PHF2: variants seen among roughly 807,000 people sequenced by gnomAD.
PHF2 encodes the protein lysine-specific demethylase PHF2.
A neutral mutation model predicts 120.5 loss-of-function variants in PHF2; 27 were observed. The observed-to-expected ratio is 0.22, with a 90% confidence interval of 0.17 to 0.31. The LOEUF is 0.31. PHF2 is among the 10% of genes least tolerant of loss of function. The pLI, the probability that PHF2 is intolerant of heterozygous loss-of-function variation, is 1.00. For synonymous variants in PHF2, 568 were observed against 592.5 expected (o/e 0.96, Z 0.60); for missense variants, 1,024 against 1,434.8 (o/e 0.71, Z 4.63).
rs535874644 is a variant in PHF2 at position 93,624,515 on chromosome 9, ATGG to A, written c.99-5446_99-5444del. 1.1e-3 allele frequency among the ~76,000 whole-genome samples: 159 copies of A among 148,966 alleles called. 3 individuals are homozygous for A. In the South Asian group the frequency reaches 0.012, roughly 11 times the overall value. On this transcript the variant is annotated intron_variant, in intron 1 of 21. Coordinates refer to ENST00000359246, the MANE Select transcript of PHF2 (RefSeq NM_005392.4). ...GGTGGTGATGGTGATGACAACGGTG[ATGG>A]TGGTGGTGATGATGATAGTGGTTGA...
intron 14 of PHF2, among the ~76,000 whole-genome samples, chr9:93,665,142 C>A (rs181257639): frequency 1.3e-5 from 2 of 152,250 alleles, no homozygotes; most frequent in African/African-American, 2.4e-5. Flanking sequence ...TAGACTGTTA[C>A]ATCTATCCTG....
intron 1 of PHF2, among the ~76,000 whole-genome samples, chr9:93,618,983 T>C (rs1446157840): frequency 1.8e-4 from 4 of 21,740 alleles, no homozygotes. Flanking sequence ...CTTGTTCACT[T>C]CCCTGTGGGT....
chr9:93,602,316 G>T (rs934971976), intron 1 of PHF2, among the ~76,000 whole-genome samples: 30 of 135,206 alleles, frequency 2.2e-4, no homozygotes, highest in African/African-American at 8.1e-4. Context: ...GCAATGGCAC[G>T]ATCTCGGCTC....
intron 1 of PHF2, among the ~76,000 whole-genome samples, chr9:93,578,463 C>G (rs1410603704): frequency 6.6e-6 from 1 of 152,184 alleles, no homozygotes; most frequent in Non-Finnish European, 1.5e-5. Flanking sequence ...CCTGAAAAGC[C>G]CTGAAAGTGG....
intron 1 of PHF2, among the ~76,000 whole-genome samples, chr9:93,598,773 A>C (rs1252659403): frequency 1.3e-5 from 2 of 152,166 alleles, no homozygotes; most frequent in Non-Finnish European, 2.9e-5. Flanking sequence ...CAGGGCTCAC[A>C]TGGAGGCCCT....
intron 1 of PHF2, among the ~76,000 whole-genome samples, chr9:93,619,118 C>T (rs1021299068): frequency 2.0e-5 from 3 of 151,974 alleles, no homozygotes; most frequent in African/African-American, 4.8e-5. Flanking sequence ...CTGGCTCAGG[C>T]GGATGTTCTC....
intron 1 of PHF2, among the ~76,000 whole-genome samples, chr9:93,624,814 GTGATGA>G (rs547426353): frequency 4.2e-4 from 64 of 151,160 alleles, no homozygotes; most frequent in Non-Finnish European, 1.5e-4. Flanking sequence ...GATGGTGATG[GTGATGA>G]TGATGGTGAT....
intron 1 of PHF2, among the ~76,000 whole-genome samples, chr9:93,611,532 A>G (rs546639923): frequency 4.6e-5 from 7 of 152,188 alleles, no homozygotes; most frequent in Non-Finnish European, 8.8e-5. Context: ...ATTTTTTAAT[A>G]CAGGGTCTTG....
rs772972187 is a variant in PHF2 at position 93,674,960 on chromosome 9, C to G, written c.2660C>G (p.Pro887Arg). ...TCACTGGAGTCAGATGAAGACAACC[C>G]CATCTTTAAGTCCCGGTCGAAGAAA... ...YPSLESDEDN[P>R]IFKSRSKKRK... The change falls in exon 19 of 22, where the codon CCC becomes CGC. Residue 887 changes from proline (P) to arginine (R), a missense_variant. Transcript: ENST00000359246. 6.2e-7 allele frequency: 1 copy of G among 1,613,934 alleles called. No homozygotes were observed. Among genetic ancestry groups the G allele is most frequent in the Non-Finnish European group, 8.5e-7 (1 of 1,179,946 alleles).
chr9:93,579,730 T>C (rs1587656585), intron 1 of PHF2, among the ~76,000 whole-genome samples: 1 of 152,232 alleles, frequency 6.6e-6, no homozygotes, highest in African/African-American at 2.4e-5. Context: ...ATCACATTCT[T>C]CCAGCCAGCC....
chr9:93,584,552 A>C (rs563457996), intron 1 of PHF2, among the ~76,000 whole-genome samples: 10 of 152,334 alleles, frequency 6.6e-5, no homozygotes, highest in African/African-American at 2.4e-4. Flanking sequence ...TTTTGACCGT[A>C]TACACAGGGG....
At chr9:93,662,555 GAT>G (rs879883449) in intron 12 of PHF2, among the ~76,000 whole-genome samples, 7,535 of 151,224 alleles carry the variant, frequency 0.05, 256 homozygotes, top group Non-Finnish European at 0.072. Context: ...TGGATGGATG[GAT>G]GGATGGATGG....
At chr9:93,645,868 C>G (rs1247612286) in intron 4 of PHF2, 79 bp downstream of exon 4, 2 of 1,453,942 alleles carry the variant, frequency 1.4e-6, no homozygotes, top group East Asian at 4.8e-5. Flanking sequence ...ATGCTGTTTC[C>G]CCACGCCCTG....
intron 17 of PHF2, 93 bp downstream of exon 17, chr9:93,667,333 C>G (rs963884968): frequency 6.8e-7 from 1 of 1,460,442 alleles, no homozygotes; most frequent in Non-Finnish European, 9.3e-7. Context: ...GCGAGGCAGA[C>G]GCACAGCTGG....
chr9:93,576,857 C>G lies in PHF2; in HGVS notation c.84C>G (p.Asp28Glu), dbSNP rs1440941971. The G allele has an allele frequency of 1.6e-6, 2 of 1,266,560 alleles. No homozygotes were observed. The highest frequency in any genetic ancestry group is 2.3e-5 in the Admixed American group (1 of 43,234). 78.5% of individuals were successfully genotyped at this position (1,266,560 alleles called of 1,614,324 possible). The change falls in exon 1 of 22, where the codon GAC becomes GAG. Residue 28 changes from aspartate to glutamate, a missense_variant. By Grantham distance (45) the Asp-to-Glu change is conservative (BLOSUM62 2). This residue lies in a region of PHF2 where 347 missense variants were observed against 577.4 expected (regional missense o/e 0.60). Transcript: ENST00000359246. ...TGATCGAGTGCGACGCCTGCAAGGA[C>G]TGGTTCCACGGCAGGTGAGCGCGCG... ...RFMIECDACKDWFHGSCVGVE... is the reference protein window; with the variant it reads ...RFMIECDACKEWFHGSCVGVE...
chr9:93,623,353 T>TA (rs1185007084), intron 1 of PHF2, among the ~76,000 whole-genome samples: 5 of 152,304 alleles, frequency 3.3e-5, no homozygotes, highest in South Asian at 2.1e-4. Flanking sequence ...ATGTGGCTGA[T>TA]ACTTGGTGTC....
At chr9:93,670,809 T>G (rs1240480791) in intron 17 of PHF2, among the ~76,000 whole-genome samples, 1 of 152,016 alleles carries the variant, frequency 6.6e-6, no homozygotes, top group Non-Finnish European at 1.5e-5. Flanking sequence ...AGGAGGTGTG[T>G]GCATAGGCAT....
chr9:93,656,481 G>T lies in PHF2; in HGVS notation c.1041-8G>T, dbSNP rs776175669. On this transcript the variant is annotated splice_region_variant and splice_polypyrimidine_tract_variant and intron_variant, in intron 8 of 21. Transcript: ENST00000359246. The surrounding 1 kb of genome is among the most constrained non-coding windows in gnomAD (Gnocchi z 4.1). The stretch of plus-strand genomic sequence containing the variant: ...GTGCACTGAGAACTGCTCTTTGGTG[G>T]CTTCTAGAGCATATGAAGTGGAAAG... 1 of 1,598,180 alleles carries T rather than the reference G, an allele frequency of 6.3e-7. No homozygotes were observed. The highest frequency in any genetic ancestry group is 2.2e-5 in the East Asian group (1 of 44,774).
chr9:93,606,687 G>A (rs557169509), intron 1 of PHF2, among the ~76,000 whole-genome samples: 6 of 152,188 alleles, frequency 3.9e-5, no homozygotes, highest in Non-Finnish European at 8.8e-5. Context: ...TTGCACAGCA[G>A]AAGTTTTTAA....
Sources: gnomAD v4.1 joint callset for allele counts (sites outside exome capture counted in the v4.1 genomes callset) on GRCh38, gnomAD v4.1.1 for gene constraint, gnomAD v4.1.1 regional missense constraint, Gnocchi (gnomAD v3.1) non-coding constraint, MANE v1.5 for transcripts, NCBI Gene and HGNC (gene_info 2026-07-23, HGNC 2026-07-21) for gene names.